The following ITGA2 variants were observed in gnomAD, a reference collection of about 807,000 sequenced individuals.
ITGA2 encodes integrin subunit alpha 2.
In ITGA2, 101 loss-of-function variants were observed where a neutral mutation model predicts 146.3. The ratio of observed to expected loss-of-function variants is 0.69; its 90% CI spans 0.59 to 0.81. The LOEUF is 0.81. ITGA2 is among the 40% of genes least tolerant of loss of function. ITGA2 has a pLI of 0.00. For synonymous variants in ITGA2, 477 were observed against 487.1 expected (o/e 0.98, Z 0.27); for missense variants, 1,281 against 1,402.7 (o/e 0.91, Z 1.39).
intron 12 of ITGA2, among the ~76,000 whole-genome samples, chr5:53,061,813 ATT>A (rs958151961): frequency 3.4e-4 from 51 of 151,974 alleles, no homozygotes; most frequent in African/African-American, 1.2e-3. Flanking sequence ...ACTTACAAAG[ATT>A]TCTCTTCTCT....
In ITGA2 at chr5:53,064,903, C is replaced by T. The variant is rs748368973; in HGVS notation, c.1603-9C>T. On this transcript the variant is annotated splice_polypyrimidine_tract_variant and intron_variant, in intron 13 of 29. Coordinates refer to ENST00000296585, the MANE Select transcript of ITGA2 (RefSeq NM_002203.4). ...TGCTTTAATCATCCTTTTGTTTCCC[C>T]TTTGCAAGGGCATTTTGGGTCAGCA... The T allele has an allele frequency of 8.4e-5, 135 of 1,612,034 alleles. No individual in the cohort carries two copies. Among genetic ancestry groups the T allele is most frequent in the Non-Finnish European group, 1.1e-4 (129 of 1,178,716 alleles).
chr5:53,048,886 G>C (rs1471416633), intron 6 of ITGA2, 116 bp downstream of exon 6: 21 of 1,150,520 alleles, frequency 1.8e-5, no homozygotes, highest in Non-Finnish European at 2.3e-5. Flanking sequence ...TGCATTTGAT[G>C]GTAGTTTTTA....
rs1156361278 is a variant in ITGA2, at chr5:53,067,261, C to T, written c.2083+4C>T. ...ACTAAGCAAAACAATCAAGTGGGTG[C>T]GTAGATCTGAAATAATCTGTATAGA... On this transcript the variant is annotated splice_donor_region_variant and intron_variant, in intron 16 of 29. Transcript: ENST00000296585. 6 of 1,610,982 alleles carry T rather than the reference C, an allele frequency of 3.7e-6. No homozygotes were observed. The highest frequency in any genetic ancestry group is 1.7e-5 in the Admixed American group (1 of 59,766).
rs1163272107 is a variant in ITGA2 at position 53,075,245 on chromosome 5, T to G, written c.2766T>G (p.Ala922=). 1.9e-6 allele frequency: 3 copies of G among 1,612,722 alleles called. No homozygotes were observed. The highest frequency in any genetic ancestry group is 1.7e-5 in the Admixed American group (1 of 59,834). Residue 922 remains alanine, a synonymous_variant, in exon 23 of 30, where the codon GCT becomes GCG. Transcript: ENST00000296585. The part of the protein sequence containing the change: ...ALSESQEENK[A]DNLVNLKIPL... ...GTGAAAGCCAAGAAGAAAACAAGGCTGATAATTTGGTCAACCTCAAAATTC... is the reference window on the plus strand; with the variant it reads ...GTGAAAGCCAAGAAGAAAACAAGGCGGATAATTTGGTCAACCTCAAAATTC...
At chr5:53,083,525 C>A in intron 27 of ITGA2, 72 bp downstream of exon 27, 4 of 960,424 alleles carry the variant, frequency 4.2e-6, no homozygotes, top group Non-Finnish European at 6.8e-6. Flanking sequence ...AAGTTCTTCC[C>A]CTTTGACAAA....
rs567681760 is a variant in ITGA2, at chr5:53,060,513, G to A, written c.1313-388G>A. 1.3e-4 allele frequency among the ~76,000 whole-genome samples: 19 copies of A among 151,990 alleles called. No individual in the cohort carries two copies. In the South Asian group the frequency reaches 1.7e-3, roughly 13 times the overall value. On this transcript the variant is annotated intron_variant, in intron 11 of 29. Coordinates refer to ENST00000296585, the MANE Select transcript of ITGA2 (RefSeq NM_002203.4). ...TCTAACGTTCAACAACCTAGTAAGC[G>A]GCAAATCCAGAATCTGAACCTCAGC...
In ITGA2 at chr5:53,080,507, A is replaced by G. The variant is rs750397831; in HGVS notation, c.2929-4A>G. 19 of 1,609,144 alleles carry G rather than the reference A, an allele frequency of 1.2e-5. No individual in the cohort carries two copies. In the South Asian group the frequency reaches 1.3e-4, roughly 11 times the overall value. On this transcript the variant is annotated splice_region_variant and splice_polypyrimidine_tract_variant and intron_variant, in intron 24 of 29. Transcript: ENST00000296585. Reference sequence around the variant, plus strand: ...AGTACTGGCACATTTTATTCTCTACATAGGTAACAACAGGAAGTGTTCCAG... The same window carrying G: ...AGTACTGGCACATTTTATTCTCTACGTAGGTAACAACAGGAAGTGTTCCAG...
chr5:53,087,714 C>T (rs942504530), intron 28 of ITGA2, among the ~76,000 whole-genome samples: 2 of 151,732 alleles, frequency 1.3e-5, no homozygotes, highest in African/African-American at 4.8e-5. Flanking sequence ...GATAATTTTC[C>T]TCTGCACTGA....
rs41315910 is a variant in ITGA2 at position 52,997,932 on chromosome 5, T to G, written c.64+8400T>G. Among the ~76,000 whole-genome samples the G allele has an allele frequency of 7.3e-3, 1,118 of 152,326 alleles. 12 individuals carry two copies. The highest frequency in any genetic ancestry group is 8.4e-3 in the Non-Finnish European group (571 of 68,030). On this transcript the variant is annotated intron_variant, in intron 1 of 29. Transcript: ENST00000296585. ...CTTAGCCTTGGAAATTGGGGCACTT[T>G]TATGTAATCTTTATTATTTTTTCAG...
intron 1 of ITGA2, among the ~76,000 whole-genome samples, chr5:52,994,474 A>G (rs1313066099): frequency 1.3e-5 from 2 of 152,228 alleles, no homozygotes; most frequent in African/African-American, 4.8e-5. Context: ...AGGTTGACCA[A>G]TGAGATCTGC....
intron 23 of ITGA2, among the ~76,000 whole-genome samples, chr5:53,077,558 T>C (rs928359266): frequency 6.6e-6 from 1 of 152,048 alleles, no homozygotes; most frequent in African/African-American, 2.4e-5. Flanking sequence ...ATTGGCCCCA[T>C]TTAGGATCTC....
Position 53,091,581 on chromosome 5 carries a change from C to T in ITGA2, c.*982C>T, listed in dbSNP as rs1740423722. ...CTGGTGGTACCATTATTATAGAAGC[C>T]CTCTACAGCCTGACTTTCTCTCCAG... On this transcript the variant is annotated 3_prime_UTR_variant, in exon 30 of 30. Coordinates refer to ENST00000296585, the MANE Select transcript of ITGA2 (RefSeq NM_002203.4). 6.6e-6 allele frequency: 1 copy of T among 152,144 alleles called. No individual in the cohort carries two copies. Among genetic ancestry groups the T allele is most frequent in the Admixed American group, 6.6e-5 (1 of 15,258 alleles). 9.4% of individuals were successfully genotyped at this position (152,144 alleles called of 1,614,324 possible).
chr5:53,058,680 CG>C (rs1744757049), intron 10 of ITGA2, among the ~76,000 whole-genome samples: 1 of 144,328 alleles, frequency 6.9e-6, no homozygotes, highest in African/African-American at 2.6e-5. Flanking sequence ...TGAAAGGAGG[CG>C]AAAAAAAAAA....
Position 53,044,274 on chromosome 5 carries a change from C to CAAAAAAAAAAAAAA in ITGA2, c.296-708_296-695dup. 5.3e-3 allele frequency among the ~76,000 whole-genome samples: 201 copies of CAAAAAAAAAAAAAA among 37,780 alleles called. 14 individuals carry two copies. The highest frequency in any genetic ancestry group is 8.1e-3 in the African/African-American group (53 of 6,558). The allele number at this position is 37,780 out of a possible 152,430, so 24.8% of individuals were successfully genotyped here. A position where few individuals can be genotyped will look rare whatever the true frequency, so the allele number is the denominator to read the frequency against. ...TGGATGACAGAGTGAGACTCTGTCT[C>CAAAAAAAAAAAAAA]AAAAAAAAAAAAAAAAAAAAAAAAA... On this transcript the variant is annotated intron_variant, in intron 3 of 29. Transcript: ENST00000296585.
chr5:53,089,395 A>G (rs959072884), intron 28 of ITGA2: 6 of 154,266 alleles, frequency 3.9e-5, no homozygotes, highest in African/African-American at 1.4e-4. Flanking sequence ...GATACAAAGA[A>G]TCCTAAGTAG....
intron 12 of ITGA2, among the ~76,000 whole-genome samples, chr5:53,061,536 C>A (rs1744907006): frequency 6.6e-6 from 1 of 151,870 alleles, no homozygotes; most frequent in African/African-American, 2.4e-5. Context: ...GTCAGAATGT[C>A]CTGTTGGTTT....
chr5:53,037,984 CTTCTTTCTGATTAAA>C (rs1464450553), intron 2 of ITGA2, among the ~76,000 whole-genome samples: 1 of 152,158 alleles, frequency 6.6e-6, no homozygotes, highest in African/African-American at 2.4e-5. Context: ...TTACTTTTCT[CTTCTTTCTGATTAAA>C]TTAGAAGAGC....
At chr5:53,087,624 TA>T (rs772266428) in intron 28 of ITGA2, among the ~76,000 whole-genome samples, 1,690 of 117,992 alleles carry the variant, frequency 0.014, 23 homozygotes, top group African/African-American at 0.041. Flanking sequence ...GTCCCCTTGA[TA>T]AAAAAAAAAA....
chr5:53,061,235 C>A (rs1744894580), intron 12 of ITGA2, among the ~76,000 whole-genome samples, 189 bp downstream of exon 12: 1 of 151,874 alleles, frequency 6.6e-6, no homozygotes, highest in Admixed American at 6.6e-5. Flanking sequence ...TCCCTTTTGA[C>A]AACTTACTGG....
Sources: allele counts gnomAD v4.1 joint callset (sites outside exome capture counted in the v4.1 genomes callset), GRCh38; gene constraint gnomAD v4.1.1; transcripts MANE v1.5; gene names NCBI Gene and HGNC (gene_info 2026-07-23, HGNC 2026-07-21).